The following ERC1 variants were observed in gnomAD, a reference collection of about 807,000 sequenced individuals.
ERC1 encodes RAB6 interacting protein 2.
In ERC1, 56 loss-of-function variants were observed where a neutral mutation model predicts 132.0. The observed-to-expected ratio is 0.42, with a 90% CI of 0.34 to 0.53. ERC1 has a LOEUF of 0.53. Among genes scored for constraint, ERC1 ranks in the 20% least tolerant of loss-of-function variants. ERC1 has a pLI of 0.03. For synonymous variants in ERC1, 478 were observed against 476.1 expected (o/e 1.00, Z -0.05); for missense variants, 1,202 against 1,349.9 (o/e 0.89, Z 1.72).
chr12:1,043,048 CTTTTT>C (rs397940397), intron 2 of ERC1, among the ~76,000 whole-genome samples: 2 of 119,026 alleles, frequency 1.7e-5, no homozygotes, highest in Admixed American at 1.9e-4. Flanking sequence ...CTTTTCTTTT[CTTTTT>C]TTTTTTTTTA....
intron 14 of ERC1, 88 bp downstream of exon 14, chr12:1,263,253 T>G: frequency 7.4e-7 from 1 of 1,358,174 alleles, no homozygotes; most frequent in South Asian, 1.3e-5. Context: ...ACTATACATA[T>G]TGTATGTTTA....
At chr12:1,383,116 G>C (rs1176223769) in intron 16 of ERC1, among the ~76,000 whole-genome samples, 2 of 152,094 alleles carry the variant, frequency 1.3e-5, no homozygotes, top group Non-Finnish European at 2.9e-5. Flanking sequence ...TCAAACTGCT[G>C]CCTTTTATGA....
In ERC1 at chr12:1,027,793, C is replaced by T; in HGVS notation, c.-111C>T. The stretch of plus-strand genomic sequence containing the variant: ...TCAAGATTGGACAGCTGGGGACCTT[C>T]TTCTGATTAACCTTAAACCAACTTG... On this transcript the variant is annotated 5_prime_UTR_variant, in exon 2 of 19. Transcript: ENST00000360905. 4.6e-6 allele frequency: 4 copies of T among 862,656 alleles called. No individual in the cohort carries two copies. The highest frequency in any genetic ancestry group is 3.3e-5 in the South Asian group (2 of 60,098). The allele number at this position is 862,656 out of a possible 1,614,324, so 53.4% of individuals were successfully genotyped here. A position where few individuals can be genotyped will look rare whatever the true frequency, so the allele number is the denominator to read the frequency against.
At chr12:1,199,758 A>G (rs1956728439) in intron 12 of ERC1, among the ~76,000 whole-genome samples, 1 of 152,128 alleles carries the variant, frequency 6.6e-6, no homozygotes, top group Non-Finnish European at 1.5e-5. Flanking sequence ...AGCCTGGGCA[A>G]CAAGAGTGAA....
chr12:1,196,337 C>T (rs1956229203), intron 12 of ERC1, among the ~76,000 whole-genome samples: 1 of 152,118 alleles, frequency 6.6e-6, no homozygotes, highest in Non-Finnish European at 1.5e-5. Flanking sequence ...TTGCCTCCGA[C>T]TAGGCAGCTA....
rs149075841 is a variant in ERC1 at position 1,239,081 on chromosome 12, A to G, written c.2487+2177A>G. Among the ~76,000 whole-genome samples, 717 of 152,278 alleles carry G rather than the reference A, an allele frequency of 4.7e-3. 8 individuals are homozygous for G. The highest frequency in any genetic ancestry group is 0.017 in the African/African-American group (690 of 41,548). ...ATCTCAGTTCTTTTACTAACTACTCAGTTACTTAAGTATATTTCTGTTTGT... is the reference window on the plus strand; with the variant it reads ...ATCTCAGTTCTTTTACTAACTACTCGGTTACTTAAGTATATTTCTGTTTGT... On this transcript the variant is annotated intron_variant, in intron 13 of 18. Transcript: ENST00000360905.
chr12:1,016,635 C>CT (rs397967271), intron 1 of ERC1, among the ~76,000 whole-genome samples: 26,877 of 127,910 alleles, frequency 0.21, 2,476 homozygotes, highest in African/African-American at 0.26. Context: ...CTTTTCTTTT[C>CT]TTTTTTTTTT....
chr12:1,386,749 A>G (rs1374355889), intron 16 of ERC1: 1 of 152,100 alleles, frequency 6.6e-6, no homozygotes, highest in African/African-American at 2.4e-5. Context: ...CAGGAAGCAG[A>G]TGATTGCCGA....
intron 15 of ERC1, among the ~76,000 whole-genome samples, chr12:1,357,685 A>G (rs1484568267): frequency 6.6e-6 from 1 of 152,244 alleles, no homozygotes; most frequent in Admixed American, 6.5e-5. Flanking sequence ...TTCATATTAC[A>G]TACACTATAA....
chr12:1,181,777 C>A, intron 9 of ERC1, 148 bp from the exon 10 acceptor site: 1 of 791,172 alleles, frequency 1.3e-6, no homozygotes, highest in Non-Finnish European at 1.9e-6. Context: ...GAGCGAAACT[C>A]TGTCTCAAAA....
At chr12:1,177,769 C>G (rs925296610) in intron 8 of ERC1, among the ~76,000 whole-genome samples, 1 of 152,120 alleles carries the variant, frequency 6.6e-6, no homozygotes, top group Non-Finnish European at 1.5e-5. Flanking sequence ...AAAGTAGTGC[C>G]GATAGACTTG....
chr12:1,001,387 G>A (rs1053095193), intron 1 of ERC1, among the ~76,000 whole-genome samples: 4 of 152,172 alleles, frequency 2.6e-5, no homozygotes, highest in African/African-American at 9.6e-5. Flanking sequence ...TAACACATAT[G>A]TAGAAAAGTA....
chr12:1,484,036 T>C (rs11061776), intron 18 of ERC1, among the ~76,000 whole-genome samples: 23,740 of 149,740 alleles, frequency 0.16, 3,756 homozygotes, highest in East Asian at 0.75. Flanking sequence ...CCGGGCGTGG[T>C]GGCTCACGCC....
chr12:1,046,661 A>G (rs2154165483), intron 2 of ERC1, among the ~76,000 whole-genome samples: 1 of 152,326 alleles, frequency 6.6e-6, no homozygotes, highest in South Asian at 2.1e-4. Context: ...AATAATAGCT[A>G]ACACTTGTGT....
At chr12:1,077,164 G>T (rs1457613212) in intron 2 of ERC1, among the ~76,000 whole-genome samples, 1 of 145,886 alleles carries the variant, frequency 6.9e-6, no homozygotes, top group African/African-American at 2.5e-5. Context: ...TTGATAAACA[G>T]TGTACTGAGT....
chr12:1,039,212 C>G (rs943375232), intron 2 of ERC1, among the ~76,000 whole-genome samples: 1 of 151,852 alleles, frequency 6.6e-6, no homozygotes, highest in Non-Finnish European at 1.5e-5. Context: ...TGGTGGGCGC[C>G]TGTAGTCCCA....
At chr12:1,379,402 T>C (rs1042964425) in intron 16 of ERC1, among the ~76,000 whole-genome samples, 4 of 152,184 alleles carry the variant, frequency 2.6e-5, no homozygotes, top group African/African-American at 9.7e-5. Flanking sequence ...AAAGCCCCTA[T>C]TTCAGTGAAC....
intron 15 of ERC1, among the ~76,000 whole-genome samples, chr12:1,314,148 C>T (rs572902313): frequency 8.3e-4 from 127 of 152,238 alleles, no homozygotes; most frequent in Middle Eastern, 3.4e-3. Context: ...AAATTTTTAA[C>T]TCCATAGAGG....
At chr12:1,041,199 GTCTC>G (rs1039036412) in intron 2 of ERC1, among the ~76,000 whole-genome samples, 4 of 144,320 alleles carry the variant, frequency 2.8e-5, no homozygotes, top group South Asian at 2.3e-4. Context: ...AGTTTTGCAA[GTCTC>G]TCTTTCTTTT....
Sources: gnomAD v4.1 joint callset for allele counts (sites outside exome capture counted in the v4.1 genomes callset) on GRCh38, gnomAD v4.1.1 for gene constraint, MANE v1.5 for transcripts, NCBI Gene and HGNC (gene_info 2026-07-23, HGNC 2026-07-21) for gene names.